The following ZNF892 variants were observed in gnomAD, a reference collection of about 807,000 sequenced individuals.
The protein encoded by ZNF892 is zinc finger protein 892.
At chr2:95,217,847 G>T in the ZNF892 span, among the ~76,000 whole-genome samples, 2 of 152,176 alleles carry the variant, frequency 1.3e-5, no homozygotes, top group African/African-American at 4.8e-5. Context: ...TAAGTCTTCA[G>T]TTGGAGGCTT....
the ZNF892 span, among the ~76,000 whole-genome samples, chr2:95,253,037 G>T: frequency 1.3e-5 from 2 of 152,156 alleles, no homozygotes; most frequent in Non-Finnish European, 2.9e-5. Context: ...TCTATAGGTT[G>T]CCTGTTCACT....
the ZNF892 span, among the ~76,000 whole-genome samples, chr2:95,207,325 C>T: frequency 3.3e-5 from 5 of 152,236 alleles, no homozygotes; most frequent in Admixed American, 2.6e-4. Flanking sequence ...CGCCCAGAGT[C>T]GGCACCGAGG....
At chr2:95,245,454 G>C in the ZNF892 span, among the ~76,000 whole-genome samples, 13 of 94,964 alleles carry the variant, frequency 1.4e-4, no homozygotes, top group Non-Finnish European at 2.4e-4. Context: ...AGACGGCGGG[G>C]GGGGGGGGGT....
chr2:95,239,048 A>T, the ZNF892 span, among the ~76,000 whole-genome samples: 10 of 151,464 alleles, frequency 6.6e-5, no homozygotes, highest in Admixed American at 3.3e-4. Context: ...CTGAGGCAGG[A>T]GAATCGCTTG....
chr2:95,254,872 G>A, the ZNF892 span, among the ~76,000 whole-genome samples: 1 of 152,180 alleles, frequency 6.6e-6, no homozygotes, highest in African/African-American at 2.4e-5. Context: ...TTTGCATAGA[G>A]GTGTTTATAG....
chr2:95,231,005 A>G, the ZNF892 span, among the ~76,000 whole-genome samples: 1 of 152,200 alleles, frequency 6.6e-6, no homozygotes, highest in Non-Finnish European at 1.5e-5. Context: ...GGGAAGATAA[A>G]AATGCTACTA....
the ZNF892 span, among the ~76,000 whole-genome samples, chr2:95,254,149 G>T: frequency 6.6e-6 from 1 of 152,140 alleles, no homozygotes; most frequent in Non-Finnish European, 1.5e-5. Context: ...GGGCATCTCT[G>T]TCTTGTGCCA....
the ZNF892 span, among the ~76,000 whole-genome samples, chr2:95,215,971 G>C: frequency 2.9e-3 from 448 of 152,268 alleles, 2 homozygotes; most frequent in Middle Eastern, 6.8e-3. Flanking sequence ...TATCCTTTTA[G>C]GGAAGTTGCA....
the ZNF892 span, among the ~76,000 whole-genome samples, chr2:95,222,134 C>A: frequency 1.6e-4 from 24 of 152,286 alleles, no homozygotes; most frequent in Admixed American, 1.4e-3. Context: ...GCTCCCCACC[C>A]CGCATTGAGT....
chr2:95,261,770 C>A, the ZNF892 span, among the ~76,000 whole-genome samples: 1 of 152,174 alleles, frequency 6.6e-6, no homozygotes, highest in African/African-American at 2.4e-5. Context: ...GTGGGATGGG[C>A]TGAGCCATCT....
At chr2:95,213,463 C>T in the ZNF892 span, among the ~76,000 whole-genome samples, 2 of 152,140 alleles carry the variant, frequency 1.3e-5, no homozygotes, top group Non-Finnish European at 2.9e-5. Flanking sequence ...AAGCTTTTCC[C>T]CCTCAAATTC....
the ZNF892 span, among the ~76,000 whole-genome samples, chr2:95,255,757 G>A: frequency 5.3e-5 from 8 of 152,178 alleles, no homozygotes; most frequent in African/African-American, 1.7e-4. Flanking sequence ...ATGAATCCAG[G>A]TGCTCCTGTA....
At chr2:95,236,715 A>G in the ZNF892 span, among the ~76,000 whole-genome samples, 17 of 152,366 alleles carry the variant, frequency 1.1e-4, 1 homozygote, top group South Asian at 3.5e-3. Context: ...TCAGAGTATA[A>G]CAACTGTCTG....
At chr2:95,258,171 C>G in the ZNF892 span, among the ~76,000 whole-genome samples, 2 of 152,218 alleles carry the variant, frequency 1.3e-5, no homozygotes, top group African/African-American at 4.8e-5. Context: ...ACGCTGGGAG[C>G]TGTAGACTGG....
chr2:95,249,226 TATA>T, the ZNF892 span, among the ~76,000 whole-genome samples: 54 of 62,254 alleles, frequency 8.7e-4, no homozygotes, highest in South Asian at 6.9e-3. Context: ...TATATATATA[TATA>T]TATTTTTTTT....
At chr2:95,237,725 G>A in the ZNF892 span, among the ~76,000 whole-genome samples, 1 of 152,226 alleles carries the variant, frequency 6.6e-6, no homozygotes, top group Non-Finnish European at 1.5e-5. Flanking sequence ...AGTTGTGAAT[G>A]CAAAGGAAAA....
chr2:95,225,825 A>C, the ZNF892 span, among the ~76,000 whole-genome samples: 1 of 152,238 alleles, frequency 6.6e-6, no homozygotes, highest in Non-Finnish European at 1.5e-5. Context: ...CTGTGAAATT[A>C]AACAAGTTAT....
At chr2:95,209,737 G>C in the ZNF892 span, among the ~76,000 whole-genome samples, 2 of 152,210 alleles carry the variant, frequency 1.3e-5, no homozygotes, top group African/African-American at 4.8e-5. Context: ...CTGCCTGTGA[G>C]TTGATTACTG....
chr2:95,256,306 G>T, the ZNF892 span, among the ~76,000 whole-genome samples: 2 of 152,140 alleles, frequency 1.3e-5, no homozygotes, highest in Admixed American at 1.3e-4. Context: ...GTCTGTAAAG[G>T]ATTTTATTTC....
Sources: allele counts gnomAD v4.1 joint callset (sites outside exome capture counted in the v4.1 genomes callset), GRCh38; gene constraint gnomAD v4.1.1; transcripts MANE v1.5; gene names NCBI Gene and HGNC (gene_info 2026-07-23, HGNC 2026-07-21).